Variants in ABLIM2 observed in about 807,000 individuals in gnomAD.
ABLIM2 encodes the protein actin binding LIM protein family member 2, also known as actin-binding LIM protein 2.
Under a neutral mutation model 97.7 loss-of-function variants are expected in ABLIM2, and 53 were observed. The ratio of observed to expected loss-of-function variants is 0.54; its 90% CI spans 0.44 to 0.68. The LOEUF is 0.68. ABLIM2 is among the 30% of genes least tolerant of loss of function. The probability of loss-of-function intolerance (pLI) is 0.00; values close to 1 mark genes in which losing one functional copy is unlikely to be tolerated. For synonymous variants in ABLIM2, 361 were observed against 345.8 expected (o/e 1.04, Z -0.49); for missense variants, 835 against 867.2 (o/e 0.96, Z 0.47).
chr4:7,983,805 G>A (rs1246297060), intron 18 of ABLIM2, among the ~76,000 whole-genome samples: 1 of 152,256 alleles, frequency 6.6e-6, no homozygotes, highest in Non-Finnish European at 1.5e-5. Flanking sequence ...AAGCCGGAGG[G>A]CGGCACTGTG....
chr4:7,972,780 G>A (rs1191324608), intron 20 of ABLIM2, among the ~76,000 whole-genome samples: 1 of 152,092 alleles, frequency 6.6e-6, no homozygotes, highest in African/African-American at 2.4e-5. Flanking sequence ...TCTCTTCCTT[G>A]TCTTGGCCAG....
chr4:8,141,760 C>T (rs541648582), intron 1 of ABLIM2, among the ~76,000 whole-genome samples: 1 of 152,208 alleles, frequency 6.6e-6, no homozygotes, highest in Non-Finnish European at 1.5e-5. Flanking sequence ...TTTGGGAGGG[C>T]GCCTGTGAGT....
At chr4:8,050,800 G>A (rs1795519840) in intron 8 of ABLIM2, among the ~76,000 whole-genome samples, 2 of 152,222 alleles carry the variant, frequency 1.3e-5, no homozygotes, top group Non-Finnish European at 2.9e-5. Context: ...CGGGAGCCAC[G>A]CCAGTCCCTG....
intron 1 of ABLIM2, among the ~76,000 whole-genome samples, chr4:8,142,020 C>T (rs765599870): frequency 1.3e-5 from 2 of 152,240 alleles, no homozygotes; most frequent in East Asian, 1.9e-4. Flanking sequence ...CTGGGGCCAG[C>T]GGGGCGCCGT....
chr4:8,083,779 A>T lies in ABLIM2; in HGVS notation c.455-2977T>A, dbSNP rs769159663. On this transcript the variant is annotated intron_variant, in intron 4 of 20. Coordinates refer to ENST00000447017, the MANE Select transcript of ABLIM2 (RefSeq NM_001130083.2). The surrounding 1 kb of genome is among the most constrained non-coding windows in gnomAD (Gnocchi z 4.6). The stretch of plus-strand genomic sequence containing the variant: ...GCAGAAGGGGCCCCAGGACCCCCCA[A>T]TGTCAGCTGGCCACGTGCCCGTACA... Among the ~76,000 whole-genome samples, 10 of 152,112 alleles carry T rather than the reference A, an allele frequency of 6.6e-5. No individual in the cohort carries two copies. The highest frequency in any genetic ancestry group is 1.3e-4 in the Non-Finnish European group (9 of 67,998).
rs1402017650 is a variant in ABLIM2, at chr4:8,072,727, G to A, written c.675+4901C>T. 6.6e-6 allele frequency among the ~76,000 whole-genome samples: 1 copy of A among 152,244 alleles called. No homozygotes were observed. The highest frequency in any genetic ancestry group is 2.4e-5 in the African/African-American group (1 of 41,464). ...GATCCAGCTGGACGCCCAGGTGAGT[G>A]GTGGGAGGCAGTGTGTATGTGGCGG... On this transcript the variant is annotated intron_variant, in intron 6 of 20. Transcript: ENST00000447017. The surrounding 1 kb of genome is among the most constrained non-coding windows in gnomAD (Gnocchi z 5.8).
rs986775210 is a variant in ABLIM2 at position 8,124,834 on chromosome 4, A to G, written c.11-18197T>C. Reference sequence around the variant, plus strand: ...GTGCCACCTTTCAAGGAACAGTCAGACTATTTTCCACACCGGGTTCTGATT... The same window carrying G: ...GTGCCACCTTTCAAGGAACAGTCAGGCTATTTTCCACACCGGGTTCTGATT... On this transcript the variant is annotated intron_variant, in intron 1 of 20. Transcript: ENST00000447017. This position sits in a 1 kb window ranked among gnomAD's most constrained non-coding sequence, Gnocchi z 6.1. Among the ~76,000 whole-genome samples, 14 of 151,988 alleles carry G rather than the reference A, an allele frequency of 9.2e-5. No homozygotes were observed. The highest frequency in any genetic ancestry group is 3.4e-4 in the African/African-American group (14 of 41,354).
chr4:8,111,813 C>A (rs1840461834), intron 1 of ABLIM2, among the ~76,000 whole-genome samples: 1 of 151,460 alleles, frequency 6.6e-6, no homozygotes, highest in Non-Finnish European at 1.5e-5. Flanking sequence ...GTAATCCCAG[C>A]TACTCGAGAG....
rs745958522 is a variant in ABLIM2, at chr4:8,072,857, T to A, written c.675+4771A>T. 5.3e-5 allele frequency among the ~76,000 whole-genome samples: 8 copies of A among 152,106 alleles called. No individual in the cohort carries two copies. Among genetic ancestry groups the A allele is most frequent in the Non-Finnish European group, 8.8e-5 (6 of 68,022 alleles). On this transcript the variant is annotated intron_variant, in intron 6 of 20. Transcript: ENST00000447017. The surrounding 1 kb of genome is among the most constrained non-coding windows in gnomAD (Gnocchi z 5.8). ...GCACCTGAGTGGGGAACGCAGGCCC[T>A]GCAAGGCCCCTGGGGAAGTAGGGAG...
chr4:7,993,857 C>G, intron 16 of ABLIM2: 1 of 471,406 alleles, frequency 2.1e-6, no homozygotes, highest in Non-Finnish European at 4.2e-6. Flanking sequence ...CAGCCCCCAC[C>G]GAGCTCCCTC....
rs1314370457 is a variant in ABLIM2 at position 8,054,249 on chromosome 4, G to A, written c.764-3C>T. On this transcript the variant is annotated splice_region_variant and splice_polypyrimidine_tract_variant and intron_variant, in intron 7 of 20. Coordinates refer to ENST00000447017, the MANE Select transcript of ABLIM2 (RefSeq NM_001130083.2). This position sits in a 1 kb window ranked among gnomAD's most constrained non-coding sequence, Gnocchi z 4.9. ...CGCCGGATGCCAGATGGAGGAACCT[G>A]TTGACAAATTCCCAAGAGGGAAATG... The A allele has an allele frequency of 6.2e-7, 1 of 1,613,914 alleles. No individual in the cohort carries two copies. The highest frequency in any genetic ancestry group is 8.5e-7 in the Non-Finnish European group (1 of 1,179,884).
chr4:8,151,442 T>C (rs994700570), intron 1 of ABLIM2, among the ~76,000 whole-genome samples: 20 of 151,978 alleles, frequency 1.3e-4, no homozygotes, highest in African/African-American at 4.6e-4. Flanking sequence ...TAGCTCGAGC[T>C]CCAGGCAGAC....
chr4:8,097,334 G>T, intron 2 of ABLIM2, 52 bp from the exon 3 acceptor site: 1 of 1,542,848 alleles, frequency 6.5e-7, no homozygotes, highest in Non-Finnish European at 8.7e-7. Flanking sequence ...CCATCTCCAC[G>T]TCCCCCAGGC....
chr4:7,968,015 G>T (rs1236535022), intron 20 of ABLIM2, among the ~76,000 whole-genome samples: 1 of 152,236 alleles, frequency 6.6e-6, no homozygotes, highest in African/African-American at 2.4e-5. Flanking sequence ...TCCTCAGCAG[G>T]CTCTGAGAAA....
intron 1 of ABLIM2, among the ~76,000 whole-genome samples, chr4:8,106,932 T>G (rs1166197281): frequency 6.6e-6 from 1 of 152,188 alleles, no homozygotes; most frequent in East Asian, 1.9e-4. Flanking sequence ...CTCATCCACA[T>G]GCACAACTGC....
rs1848603616 is a variant in ABLIM2, at chr4:8,127,632, C to A, written c.11-20995G>T. On this transcript the variant is annotated intron_variant, in intron 1 of 20. Transcript: ENST00000447017. This position sits in a 1 kb window ranked among gnomAD's most constrained non-coding sequence, Gnocchi z 7.3. Reference sequence around the variant, plus strand: ...CGGCTCTCCCTCTGCGTGGCTGGGCCTGGCACCCACGGAGGATCGGGCAGG... The same window carrying A: ...CGGCTCTCCCTCTGCGTGGCTGGGCATGGCACCCACGGAGGATCGGGCAGG... 1 of 1,288,746 alleles carries A rather than the reference C, an allele frequency of 7.8e-7. No homozygotes were observed. The highest frequency in any genetic ancestry group is 1.5e-5 in the African/African-American group (1 of 65,982). 79.8% of individuals were successfully genotyped at this position (1,288,746 alleles called of 1,614,324 possible). A position where few individuals can be genotyped will look rare whatever the true frequency, so the allele number is the denominator to read the frequency against.
chr4:8,158,135 G>T (rs1457434896), intron 1 of ABLIM2, among the ~76,000 whole-genome samples: 1 of 152,216 alleles, frequency 6.6e-6, no homozygotes, highest in African/African-American at 2.4e-5. Flanking sequence ...CAGAGATCGG[G>T]TCGGGGCCGG....
intron 1 of ABLIM2, among the ~76,000 whole-genome samples, chr4:8,108,102 T>G (rs1838363344): frequency 6.6e-6 from 1 of 152,200 alleles, no homozygotes; most frequent in African/African-American, 2.4e-5. Context: ...GCTAATAAAC[T>G]TGTGTTGTAT....
rs562315922 is a variant in ABLIM2 at position 8,158,804 on chromosome 4, T to G, written c.-115A>C. ...CGCCCGCCGGCTCCGCGCCCGCTCC[T>G]TGCGCACACGCCAGGCAGCGCCGCC... On this transcript the variant is annotated 5_prime_UTR_variant, in exon 1 of 21. Coordinates refer to ENST00000447017, the MANE Select transcript of ABLIM2 (RefSeq NM_001130083.2). The G allele has an allele frequency of 5.5e-5, 53 of 964,022 alleles. 1 individual carries two copies. In the South Asian group the frequency reaches 2.0e-3, roughly 36 times the overall value. The allele number at this position is 964,022 out of a possible 1,614,324, so 59.7% of individuals were successfully genotyped here.
Sources: gnomAD v4.1 joint callset for allele counts (sites outside exome capture counted in the v4.1 genomes callset) on GRCh38, gnomAD v4.1.1 for gene constraint, Gnocchi (gnomAD v3.1) non-coding constraint, MANE v1.5 for transcripts, NCBI Gene and HGNC (gene_info 2026-07-23, HGNC 2026-07-21) for gene names.